LGR4: variants seen among roughly 807,000 people sequenced by gnomAD.
The protein encoded by LGR4 is leucine rich repeat containing G protein-coupled receptor 4, also known as leucine-rich repeat-containing G protein-coupled receptor 4.
LGR4 carries 44 observed loss-of-function variants against 84.8 expected under a neutral mutation model. That is an observed-to-expected ratio of 0.52 (90% CI 0.41 to 0.67). The LOEUF is 0.67. Ranked by LOEUF, LGR4 falls within the 30% of genes least tolerant of loss-of-function variation. LGR4 has a pLI of 0.00. For missense variants in LGR4, 1,032 were observed against 1,131.4 expected, an observed-to-expected ratio of 0.91 and a Z score of 1.26; for synonymous variants, 429 against 434.3, an observed-to-expected ratio of 0.99 and a Z score of 0.15.
At chr11:27,453,662 C>T (rs1340211352) in intron 1 of LGR4, among the ~76,000 whole-genome samples, 1 of 152,098 alleles carries the variant, frequency 6.6e-6, no homozygotes, top group Admixed American at 6.5e-5. Flanking sequence ...GTCCCCAGCA[C>T]CAAAAACAGT....
intron 1 of LGR4, among the ~76,000 whole-genome samples, chr11:27,465,224 T>C (rs1449403210): frequency 1.3e-5 from 2 of 152,230 alleles, no homozygotes; most frequent in Non-Finnish European, 2.9e-5. Flanking sequence ...GGTGGTTCAA[T>C]GTCTTACCCA....
At position 27,366,061 on chromosome 11, in the gene LGR4, G is replaced by A. The variant is rs1362124919; in HGVS notation, c.*1806C>T. On this transcript the variant is annotated 3_prime_UTR_variant, in exon 18 of 18. Coordinates refer to ENST00000379214, the MANE Select transcript of LGR4 (RefSeq NM_018490.5). ...ACACTTTTATATATCTGTTATTCTA[G>A]TTTTTAAATGAATAAAATGAAAAGT... 2.0e-5 allele frequency: 3 copies of A among 152,366 alleles called. 1 individual carries two copies. The highest frequency in any genetic ancestry group is 4.1e-4 in the South Asian group (2 of 4,820). 9.4% of individuals were successfully genotyped at this position (152,366 alleles called of 1,614,324 possible).
rs370450541 is a variant in LGR4, at chr11:27,468,131, G to A, written c.185+3987C>T. 2.6e-5 allele frequency among the ~76,000 whole-genome samples: 4 copies of A among 152,192 alleles called. No individual in the cohort carries two copies. The East Asian group carries it at 5.8e-4, about 22-fold the overall frequency. On this transcript the variant is annotated intron_variant, in intron 1 of 17. Transcript: ENST00000379214. ...GTGGGGGAAAAAAAATACACCTTAG[G>A]GAAGAATCTGAGATGATCTTTCCAA... is the stretch of plus-strand genomic sequence containing the variant.
At chr11:27,369,581 T>C (rs1032243972) in intron 17 of LGR4, among the ~76,000 whole-genome samples, 2 of 152,170 alleles carry the variant, frequency 1.3e-5, no homozygotes, top group Non-Finnish European at 2.9e-5. Context: ...GTATTCATTT[T>C]CTCACTTGTG....
In LGR4 at chr11:27,412,795, T is replaced by C. The variant is rs1863736172; in HGVS notation, c.251A>G (p.Glu84Gly). 1 of 1,572,792 alleles carries C rather than the reference T, an allele frequency of 6.4e-7. No individual in the cohort carries two copies. Among genetic ancestry groups the C allele is most frequent in the Non-Finnish European group, 8.7e-7 (1 of 1,143,044 alleles). The change falls in exon 2 of 18, where the codon GAA (glutamate) becomes GGA (glycine). Residue 84 changes from glutamate to glycine, a missense_variant. Coordinates refer to ENST00000379214, the MANE Select transcript of LGR4 (RefSeq NM_018490.5). Reference sequence around the variant, plus strand: ...TTCTCAAAGTAATACTTACAGCTCTTCTAGAAAAGGAAAGTTCTTAAATGC... The same window carrying C: ...TTCTCAAAGTAATACTTACAGCTCTCCTAGAAAAGGAAAGTTCTTAAATGC... ...EDAFKNFPFL[E>G]ELQLAGNDLS...
intron 1 of LGR4, among the ~76,000 whole-genome samples, chr11:27,442,395 T>A (rs1053054072): frequency 6.6e-6 from 1 of 152,220 alleles, no homozygotes; most frequent in African/African-American, 2.4e-5. Context: ...CTTAGTCCCA[T>A]GCAGCTACAC....
intron 5 of LGR4, among the ~76,000 whole-genome samples, chr11:27,384,757 G>A (rs947817217): frequency 6.6e-6 from 1 of 152,160 alleles, no homozygotes; most frequent in Non-Finnish European, 1.5e-5. Flanking sequence ...CTCTTACTGA[G>A]GACATGAGGG....
At chr11:27,405,948 T>C (rs1211092044) in intron 2 of LGR4, among the ~76,000 whole-genome samples, 1 of 152,074 alleles carries the variant, frequency 6.6e-6, no homozygotes, top group Non-Finnish European at 1.5e-5. Flanking sequence ...ACTTCAAGAG[T>C]CACTCAAGAG....
At chr11:27,376,559 T>C (rs1392760261) in intron 12 of LGR4, among the ~76,000 whole-genome samples, 189 bp from the exon 13 acceptor site, 1 of 152,196 alleles carries the variant, frequency 6.6e-6, no homozygotes, top group Non-Finnish European at 1.5e-5. Context: ...GTGATCTTGT[T>C]GAAAGAGAAT....
chr11:27,472,120 C>G lies in LGR4; in HGVS notation c.183G>C (p.Ala61=). ...VPEGLSAFTQ[A]LDISMNNITQ... is the part of the protein sequence containing the mutation. Reference sequence around the variant, plus strand: ...GCGTCCCCGCCGCCCGCACTCACAGCGCTTGGGTGAAGGCGCTGAGCCCCT... The same window carrying G: ...GCGTCCCCGCCGCCCGCACTCACAGGGCTTGGGTGAAGGCGCTGAGCCCCT... The change falls in exon 1 of 18, where the codon GCG becomes GCC. Residue 61 remains alanine (A), a splice_region_variant and synonymous_variant. Transcript: ENST00000379214. The G allele has an allele frequency of 7.6e-7, 1 of 1,320,746 alleles. No homozygotes were observed. The highest frequency in any genetic ancestry group is 9.7e-7 in the Non-Finnish European group (1 of 1,034,020). The allele number at this position is 1,320,746 out of a possible 1,614,324, so 81.8% of individuals were successfully genotyped here.
intron 1 of LGR4, among the ~76,000 whole-genome samples, chr11:27,424,424 G>C (rs536722870): frequency 6.6e-6 from 1 of 152,220 alleles, no homozygotes; most frequent in African/African-American, 2.4e-5. Flanking sequence ...GCTTAAGCCT[G>C]GGAGGTTGAG....
Position 27,368,667 on chromosome 11 carries a change from C to T in LGR4, c.2056G>A (p.Glu686Lys), listed in dbSNP as rs772683855. ...AAACAAAGGGGTGATGCAGAATATT[C>T]CCCTCTATGGAAAAGGGGAAAACAG... ...AGCFPLFHRGEYSASPLCLPF... is the reference protein window; with the variant it reads ...AGCFPLFHRGKYSASPLCLPF... Residue 686 changes from glutamate (E) to lysine (K), a missense_variant, in exon 18 of 18, where the codon GAA (glutamate) becomes AAA (lysine). Transcript: ENST00000379214. 39 of 1,613,918 alleles carry T rather than the reference C, an allele frequency of 2.4e-5. No homozygotes were observed. The highest frequency in any genetic ancestry group is 3.3e-4 in the Middle Eastern group (2 of 6,058).
intron 10 of LGR4, among the ~76,000 whole-genome samples, chr11:27,379,931 GA>G (rs1863058758): frequency 6.6e-6 from 1 of 152,140 alleles, no homozygotes; most frequent in South Asian, 2.1e-4. Flanking sequence ...TGGGAAACCT[GA>G]CAGTATTCAA....
In LGR4 at chr11:27,411,290, G is replaced by A. The variant is rs1863706495; in HGVS notation, c.257+1499C>T. 2.6e-5 allele frequency among the ~76,000 whole-genome samples: 4 copies of A among 151,992 alleles called. No homozygotes were observed. In the South Asian group the frequency reaches 8.3e-4, roughly 32 times the overall value. On this transcript the variant is annotated intron_variant, in intron 2 of 17. Transcript: ENST00000379214. ...CTTAAGGCTTCATAAAGGGGGTGGA[G>A]GTGGAAACTTCAAATGGATGGTTTG...
Position 27,376,372 on chromosome 11 carries a change from TA to T in LGR4, c.1110-3del, listed in dbSNP as rs1400741108. On this transcript the variant is annotated splice_polypyrimidine_tract_variant and splice_region_variant and intron_variant, in intron 12 of 17. Transcript: ENST00000379214. ...TAGATTTGATTACGCTGTAAAGAAC[TA>T]AATAAAAAAAGAAGAAGAAAGAAGA... The T allele has an allele frequency of 1.2e-5, 17 of 1,464,886 alleles. No homozygotes were observed. Among genetic ancestry groups the T allele is most frequent in the Non-Finnish European group, 1.3e-5 (14 of 1,069,706 alleles). The allele number at this position is 1,464,886 out of a possible 1,614,324, so 90.7% of individuals were successfully genotyped here. A position where few individuals can be genotyped will look rare whatever the true frequency, so the allele number is the denominator to read the frequency against.
Position 27,401,043 on chromosome 11 carries a change from T to C in LGR4, c.258-8525A>G, listed in dbSNP as rs549461568. ...TCTTCATATAACTCTTATGAAAGTA[T>C]ATGTAAAAATTTTATATGTTTTAAG... On this transcript the variant is annotated intron_variant, in intron 2 of 17. Coordinates refer to ENST00000379214, the MANE Select transcript of LGR4 (RefSeq NM_018490.5). Among the ~76,000 whole-genome samples the C allele has an allele frequency of 5.9e-5, 9 of 152,334 alleles. No individual in the cohort carries two copies. The East Asian group carries it at 1.7e-3, about 29-fold the overall frequency.
At chr11:27,465,471 C>T (rs928926250) in intron 1 of LGR4, among the ~76,000 whole-genome samples, 34 of 152,090 alleles carry the variant, frequency 2.2e-4, no homozygotes, top group African/African-American at 7.5e-4. Context: ...TGCCTGGACA[C>T]GACACAGAAT....
chr11:27,434,388 C>T (rs960132108), intron 1 of LGR4, among the ~76,000 whole-genome samples: 4 of 152,146 alleles, frequency 2.6e-5, no homozygotes, highest in East Asian at 3.8e-4. Flanking sequence ...ACTAATAATT[C>T]CAAAATGTTT....
chr11:27,457,444 C>G (rs1864594527), intron 1 of LGR4, among the ~76,000 whole-genome samples: 1 of 152,176 alleles, frequency 6.6e-6, no homozygotes, highest in Admixed American at 6.5e-5. Flanking sequence ...AGCAGACATT[C>G]TCAGCATAGA....
Sources: gnomAD v4.1 joint callset for allele counts (sites outside exome capture counted in the v4.1 genomes callset) on GRCh38, gnomAD v4.1.1 for gene constraint, MANE v1.5 for transcripts, NCBI Gene and HGNC (gene_info 2026-07-23, HGNC 2026-07-21) for gene names.